Variants in CCND1 observed in about 807,000 individuals in gnomAD.
CCND1 encodes G1/S-specific cyclin-D1.
A neutral mutation model predicts 26.1 loss-of-function variants in CCND1; 9 were observed. That is an observed-to-expected ratio of 0.35 (90% CI 0.21 to 0.60). The LOEUF (loss-of-function observed/expected upper bound fraction) is 0.60. CCND1 is among the 20% of genes least tolerant of loss of function. The pLI is 0.79. For missense variants in CCND1, 335 were observed against 392.9 expected, an observed-to-expected ratio of 0.85 and a Z score of 1.25; for synonymous variants, 194 against 166.1, an observed-to-expected ratio of 1.17 and a Z score of -1.29.
At chr11:69,645,153 TGTC>T (rs1340192988) in intron 3 of CCND1, among the ~76,000 whole-genome samples, 1 of 152,134 alleles carries the variant, frequency 6.6e-6, no homozygotes, top group African/African-American at 2.4e-5. Flanking sequence ...ATGCCAAGGA[TGTC>T]GACCAGTCTG....
chr11:69,646,772 G>A (rs548026483), intron 3 of CCND1, among the ~76,000 whole-genome samples: 2 of 152,268 alleles, frequency 1.3e-5, no homozygotes, highest in East Asian at 1.9e-4. Context: ...AGGGGAGGCC[G>A]GCATTCCCCG....
At chr11:69,646,153 C>T (rs773253258) in intron 3 of CCND1, among the ~76,000 whole-genome samples, 8 of 152,194 alleles carry the variant, frequency 5.3e-5, no homozygotes, top group Non-Finnish European at 1.5e-5. Context: ...AGGTGCGGAG[C>T]CAGCTAGAAC....
chr11:69,649,586 G>A (rs3212882), intron 4 of CCND1, among the ~76,000 whole-genome samples: 524 of 152,326 alleles, frequency 3.4e-3, no homozygotes, highest in African/African-American at 0.012. Context: ...TGTGCAAATC[G>A]GGTGCGCAGT....
At chr11:69,643,682 C>T in intron 2 of CCND1, 150 bp from the exon 3 acceptor site, 2 of 668,718 alleles carry the variant, frequency 3.0e-6, no homozygotes, top group Middle Eastern at 8.4e-4. Flanking sequence ...TTCGCCAGCC[C>T]TCCCCTCCAA....
rs1317057521 is a variant in CCND1, at chr11:69,652,085, C to T, written c.*803C>T. Reference sequence around the variant, plus strand: ...GCGTAGCAGGGTCGGGAAAGGCCACCTGTCCCACTCCTACGATACGCTACT... The same window carrying T: ...GCGTAGCAGGGTCGGGAAAGGCCACTTGTCCCACTCCTACGATACGCTACT... On this transcript the variant is annotated 3_prime_UTR_variant, in exon 5 of 5. Coordinates refer to ENST00000227507, the MANE Select transcript of CCND1 (RefSeq NM_053056.3). The T allele has an allele frequency of 8.6e-6, 2 of 233,294 alleles. No individual in the cohort carries two copies. The highest frequency in any genetic ancestry group is 1.7e-5 in the Non-Finnish European group (2 of 118,030). The allele number at this position is 233,294 out of a possible 1,614,324, so 14.5% of individuals were successfully genotyped here.
At chr11:69,650,780 A>G (rs1245665964) in intron 4 of CCND1, among the ~76,000 whole-genome samples, 2 of 150,660 alleles carry the variant, frequency 1.3e-5, no homozygotes, top group Non-Finnish European at 3.0e-5. Flanking sequence ...TGAATTCCCC[A>G]GGGAGCTGGC....
intron 3 of CCND1, among the ~76,000 whole-genome samples, chr11:69,644,347 C>T (rs1329878976): frequency 6.6e-6 from 1 of 152,184 alleles, no homozygotes; most frequent in Non-Finnish European, 1.5e-5. Context: ...TTTCTCCACC[C>T]ACCTCCAGCC....
Position 69,653,622 on chromosome 11 carries a change from C to A in CCND1, c.*2340C>A. On this transcript the variant is annotated 3_prime_UTR_variant, in exon 5 of 5. Transcript: ENST00000227507. ...GGCCCCGAGGCCGCGTGCGTGAGAA[C>A]CGCGCCGGTGTCCCCAGAGACCAGG... 1 of 458,026 alleles carries A rather than the reference C, an allele frequency of 2.2e-6. No homozygotes were observed. The highest frequency in any genetic ancestry group is 2.9e-5 in the South Asian group (1 of 34,968). The allele number at this position is 458,026 out of a possible 1,614,324, so 28.4% of individuals were successfully genotyped here.
rs3212906 is a variant in CCND1 at position 69,653,900 on chromosome 11, T to A, written c.*2618T>A. ...AGTTTTGGGTATGTTTAATCTGTTATGTACTAGTGTTCTGTTTGTTATTGT... is the reference window on the plus strand; with the variant it reads ...AGTTTTGGGTATGTTTAATCTGTTAAGTACTAGTGTTCTGTTTGTTATTGT... On this transcript the variant is annotated 3_prime_UTR_variant, in exon 5 of 5. Coordinates refer to ENST00000227507, the MANE Select transcript of CCND1 (RefSeq NM_053056.3). The A allele has an allele frequency of 2.7e-3, 1,314 of 492,344 alleles. 7 individuals are homozygous for A. The highest frequency in any genetic ancestry group is 4.0e-3 in the Non-Finnish European group (1,099 of 276,324). 30.5% of individuals were successfully genotyped at this position (492,344 alleles called of 1,614,324 possible).
chr11:69,643,318 A>C (rs1433934583), intron 2 of CCND1, 72 bp downstream of exon 2: 1 of 1,295,496 alleles, frequency 7.7e-7, no homozygotes, highest in African/African-American at 1.5e-5. Context: ...GGGAAGGTGC[A>C]GGCGGTGGCG....
In CCND1 at chr11:69,654,432, A is replaced by C. The variant is rs1242579788; in HGVS notation, c.*3150A>C. The C allele has an allele frequency of 2.3e-5, 16 of 681,650 alleles. No homozygotes were observed. The allele number at this position is 681,650 out of a possible 1,614,324, so 42.2% of individuals were successfully genotyped here. A position where few individuals can be genotyped will look rare whatever the true frequency, so the allele number is the denominator to read the frequency against. On this transcript the variant is annotated 3_prime_UTR_variant, in exon 5 of 5. Transcript: ENST00000227507. This position sits in a 1 kb window ranked among gnomAD's most constrained non-coding sequence, Gnocchi z 6.3. The stretch of plus-strand genomic sequence containing the variant: ...CGGCATGTTTCCAGCAGAAGACAAA[A>C]AGACAAACATGAAAGTCTAGAAATA...
Position 69,652,945 on chromosome 11 carries a change from T to C in CCND1, c.*1663T>C, listed in dbSNP as rs1048276516. ...GCCTGTTTGGCGTTTCCCAGAGTCA[T>C]CTGATTGGACAGGCATGGGTGCAAG... is the stretch of plus-strand genomic sequence containing the variant. On this transcript the variant is annotated 3_prime_UTR_variant, in exon 5 of 5. Transcript: ENST00000227507. 5 of 302,924 alleles carry C rather than the reference T, an allele frequency of 1.7e-5. No homozygotes were observed. Among genetic ancestry groups the C allele is most frequent in the Non-Finnish European group, 3.0e-5 (5 of 165,040 alleles). The allele number at this position is 302,924 out of a possible 1,614,324, so 18.8% of individuals were successfully genotyped here. A position where few individuals can be genotyped will look rare whatever the true frequency, so the allele number is the denominator to read the frequency against.
rs992143011 is a variant in CCND1 at position 69,654,060 on chromosome 11, G to T, written c.*2778G>T. ...TTGCACCCCGCTGCGGGCCCACGTG[G>T]TTGGGGCCCTGCCCTGGCAGGGTCA... is the stretch of plus-strand genomic sequence containing the variant. On this transcript the variant is annotated 3_prime_UTR_variant, in exon 5 of 5. Transcript: ENST00000227507. The surrounding 1 kb of genome is among the most constrained non-coding windows in gnomAD (Gnocchi z 6.3). 6.3e-5 allele frequency: 38 copies of T among 606,630 alleles called. No individual in the cohort carries two copies. Among genetic ancestry groups the T allele is most frequent in the Non-Finnish European group, 9.7e-5 (33 of 339,286 alleles). 37.6% of individuals were successfully genotyped at this position (606,630 alleles called of 1,614,324 possible).
At chr11:69,646,965 C>T (rs1211960854) in intron 3 of CCND1, among the ~76,000 whole-genome samples, 1 of 152,162 alleles carries the variant, frequency 6.6e-6, no homozygotes, top group Admixed American at 6.5e-5. Flanking sequence ...TGATGGGCCG[C>T]CCTAGATTGG....
Position 69,653,841 on chromosome 11 carries a change from C to T in CCND1, c.*2559C>T, listed in dbSNP as rs1228457034. The T allele has an allele frequency of 2.3e-5, 8 of 352,330 alleles. No homozygotes were observed. The highest frequency in any genetic ancestry group is 3.6e-5 in the Non-Finnish European group (7 of 194,064). The allele number at this position is 352,330 out of a possible 1,614,324, so 21.8% of individuals were successfully genotyped here. A position where few individuals can be genotyped will look rare whatever the true frequency, so the allele number is the denominator to read the frequency against. The stretch of plus-strand genomic sequence containing the variant: ...GCGTTGTACCTGTAGGACTCTCATT[C>T]GGGATGATTGGAATAGCTTCTGGAA... On this transcript the variant is annotated 3_prime_UTR_variant, in exon 5 of 5. Transcript: ENST00000227507.
At chr11:69,642,042 C>T (rs1332403102) in intron 1 of CCND1, among the ~76,000 whole-genome samples, 1 of 151,942 alleles carries the variant, frequency 6.6e-6, no homozygotes, top group Non-Finnish European at 1.5e-5. Flanking sequence ...GGAGCGGCCG[C>T]CGGGCGCTGG....
chr11:69,648,360 T>G lies in CCND1; in HGVS notation c.723+218T>G, dbSNP rs1035494844. 5.4e-5 allele frequency: 31 copies of G among 568,928 alleles called. 1 individual carries two copies. The African/African-American group carries it at 5.8e-4, about 11-fold the overall frequency. The allele number at this position is 568,928 out of a possible 1,614,324, so 35.2% of individuals were successfully genotyped here. ...TGGCTGGGAGGTCCTCACAGCCTTC[T>G]CACGTCCCCTGGGGCTTCCAGGAGC... On this transcript the variant is annotated intron_variant, in intron 4 of 4. Coordinates refer to ENST00000227507, the MANE Select transcript of CCND1 (RefSeq NM_053056.3).
At chr11:69,644,018 C>G (rs771325463) in intron 3 of CCND1, 27 bp downstream of exon 3, 4 of 1,612,086 alleles carry the variant, frequency 2.5e-6, no homozygotes, top group South Asian at 2.2e-5. Flanking sequence ...AGCCCCCGGC[C>G]TCCCCTTGAG....
At position 69,651,245 on chromosome 11, in the gene CCND1, C is replaced by A; in HGVS notation, c.851C>A (p.Ala284Asp). 1 of 1,584,998 alleles carries A rather than the reference C, an allele frequency of 6.3e-7. No homozygotes were observed. The highest frequency in any genetic ancestry group is 1.1e-5 in the South Asian group (1 of 88,366). Residue 284 changes from alanine to aspartate, a missense_variant, in exon 5 of 5, where the codon GCT (alanine) becomes GAT (aspartate). Physicochemically the swap from Ala to Asp is moderately radical, Grantham distance 126. Transcript: ENST00000227507. ...EEEEEEEVDL[A>D]CTPTDVRDVD... ...GAGGAGGAGGAGGAGGTGGACCTGG[C>A]TTGCACACCCACCGACGTGCGGGAC...
Sources: gnomAD v4.1 joint callset for allele counts (sites outside exome capture counted in the v4.1 genomes callset) on GRCh38, gnomAD v4.1.1 for gene constraint, Gnocchi (gnomAD v3.1) non-coding constraint, MANE v1.5 for transcripts, NCBI Gene and HGNC (gene_info 2026-07-23, HGNC 2026-07-21) for gene names.